ATP8B4: variants seen among roughly 807,000 people sequenced by gnomAD.
ATP8B4 encodes ATPase phospholipid transporting 8B4 (putative), also known as probable phospholipid-transporting ATPase IM.
In ATP8B4, 133 loss-of-function variants were observed where a neutral mutation model predicts 145.6. The observed-to-expected ratio is 0.91, with a 90% confidence interval of 0.79 to 1.05. ATP8B4 has a LOEUF of 1.05. Among genes scored for constraint, ATP8B4 ranks in the 50% least tolerant of loss-of-function variants. ATP8B4 has a pLI of 0.00. For missense variants in ATP8B4, 1,458 were observed against 1,425.2 expected, an observed-to-expected ratio of 1.02 and a Z score of -0.37; for synonymous variants, 507 against 492.9, an observed-to-expected ratio of 1.03 and a Z score of -0.38.
chr15:50,053,878 CA>C (rs1264587583), intron 3 of ATP8B4, among the ~76,000 whole-genome samples: 2 of 151,970 alleles, frequency 1.3e-5, no homozygotes, highest in African/African-American at 4.8e-5. Flanking sequence ...CTTAAGTAAA[CA>C]AAGCAAATAG....
chr15:49,992,620 ATAGGAGTGGGAAATTCAGGTCTT>A, intron 9 of ATP8B4, among the ~76,000 whole-genome samples: 1 of 152,208 alleles, frequency 6.6e-6, no homozygotes, highest in African/African-American at 2.4e-5. Context: ...TTCTCTGGGG[ATAGGAGTGGGAAATTCAGGTCTT>A]TAGATACTTG....
intron 14 of ATP8B4, among the ~76,000 whole-genome samples, chr15:49,956,540 T>G (rs377466982): frequency 6.6e-6 from 1 of 152,132 alleles, no homozygotes; most frequent in Non-Finnish European, 1.5e-5. Flanking sequence ...AGTTAACAAA[T>G]AGTTCTCAAC....
At chr15:50,110,908 C>CTT (rs11415745) in intron 1 of ATP8B4, among the ~76,000 whole-genome samples, 19 of 149,296 alleles carry the variant, frequency 1.3e-4, no homozygotes, top group African/African-American at 3.7e-4. Flanking sequence ...TCCATAAATA[C>CTT]TTTTTTTTTT....
chr15:50,018,700 A>G (rs767209542), intron 6 of ATP8B4, among the ~76,000 whole-genome samples: 4 of 152,214 alleles, frequency 2.6e-5, no homozygotes, highest in Non-Finnish European at 5.9e-5. Context: ...AGATATTCCA[A>G]GCTTTGTCCC....
intron 12 of ATP8B4, 39 bp downstream of exon 12, chr15:49,979,578 G>A: frequency 7.4e-7 from 1 of 1,355,610 alleles, no homozygotes; most frequent in Non-Finnish European, 9.8e-7. Context: ...CAAAGGTTTT[G>A]ATGAAATTAT....
intron 1 of ATP8B4, among the ~76,000 whole-genome samples, chr15:50,147,418 T>A (rs1313993853): frequency 4.3e-5 from 1 of 23,524 alleles, no homozygotes; most frequent in Non-Finnish European, 9.0e-5. Context: ...AGACACTGTC[T>A]CCAAAAAAAA....
intron 23 of ATP8B4, among the ~76,000 whole-genome samples, chr15:49,887,967 A>C (rs1469650439): frequency 6.6e-6 from 1 of 152,242 alleles, no homozygotes; most frequent in Non-Finnish European, 1.5e-5. Context: ...TAACAGGATG[A>C]ACTTACTACC....
chr15:50,048,389 A>C (rs939720536), intron 3 of ATP8B4, among the ~76,000 whole-genome samples: 1 of 152,170 alleles, frequency 6.6e-6, no homozygotes, highest in African/African-American at 2.4e-5. Context: ...AAATGTCAGA[A>C]TGTCGTTAGC....
chr15:50,110,828 T>C (rs1019383998), intron 1 of ATP8B4, among the ~76,000 whole-genome samples: 2 of 152,198 alleles, frequency 1.3e-5, no homozygotes, highest in African/African-American at 4.8e-5. Flanking sequence ...TAGCAAATAA[T>C]AGCTAAGGAC....
intron 1 of ATP8B4, among the ~76,000 whole-genome samples, chr15:50,131,750 AATATT>A (rs66883220): frequency 0.15 from 22,541 of 148,354 alleles, 2,056 homozygotes; most frequent in Non-Finnish European, 0.21. Context: ...ATATTCATAT[AATATT>A]ATATTATACT....
intron 25 of ATP8B4, among the ~76,000 whole-genome samples, chr15:49,871,562 C>T (rs2033668493): frequency 6.6e-6 from 1 of 152,224 alleles, no homozygotes; most frequent in African/African-American, 2.4e-5. Context: ...CAGCTGCCAT[C>T]AAGGACAGGC....
intron 1 of ATP8B4, among the ~76,000 whole-genome samples, chr15:50,145,522 T>G (rs577350207): frequency 1.3e-5 from 2 of 152,224 alleles, no homozygotes; most frequent in Admixed American, 6.5e-5. Flanking sequence ...CATCATTCCA[T>G]GTAGGTGCGT....
At chr15:49,911,392 C>T (rs1418175190) in intron 20 of ATP8B4, among the ~76,000 whole-genome samples, 2 of 152,102 alleles carry the variant, frequency 1.3e-5, no homozygotes, top group South Asian at 2.1e-4. Context: ...AGATACAAGA[C>T]ACTTTAAGCC....
intron 24 of ATP8B4, among the ~76,000 whole-genome samples, chr15:49,878,002 T>A (rs982063646): frequency 3.9e-5 from 6 of 152,104 alleles, no homozygotes; most frequent in Admixed American, 3.3e-4. Context: ...CTGTTGATGA[T>A]TGCTGAGGCC....
At chr15:50,142,097 G>A (rs1456539057) in intron 1 of ATP8B4, among the ~76,000 whole-genome samples, 2 of 152,184 alleles carry the variant, frequency 1.3e-5, no homozygotes, top group African/African-American at 4.8e-5. Context: ...GGTGTGTTCA[G>A]GGAATGCTGA....
At chr15:50,154,492 A>G (rs568191486) in intron 1 of ATP8B4, among the ~76,000 whole-genome samples, 9 of 152,174 alleles carry the variant, frequency 5.9e-5, no homozygotes, top group Non-Finnish European at 1.0e-4. Context: ...TATATATACT[A>G]ATCAGCAATT....
At chr15:50,061,614 A>T (rs1424318346) in intron 3 of ATP8B4, among the ~76,000 whole-genome samples, 1 of 152,220 alleles carries the variant, frequency 6.6e-6, no homozygotes, top group Non-Finnish European at 1.5e-5. Flanking sequence ...ATTCAATTCC[A>T]GTATACCCTG....
chr15:49,907,082 G>A (rs1435501414), intron 20 of ATP8B4, among the ~76,000 whole-genome samples: 1 of 152,206 alleles, frequency 6.6e-6, no homozygotes, highest in African/African-American at 2.4e-5. Flanking sequence ...AGTCAGCCAA[G>A]AGGGAAAGCC....
chr15:49,894,866 T>C (rs866879630), intron 23 of ATP8B4: 3 of 152,162 alleles, frequency 2.0e-5, no homozygotes, highest in Admixed American at 6.5e-5. Context: ...CCCACCAACA[T>C]GAAATGACTA....
Sources: allele counts gnomAD v4.1 joint callset (sites outside exome capture counted in the v4.1 genomes callset), GRCh38; gene constraint gnomAD v4.1.1; transcripts MANE v1.5; gene names NCBI Gene and HGNC (gene_info 2026-07-23, HGNC 2026-07-21).